Variants in GET1 observed in about 807,000 individuals in gnomAD.
The protein encoded by GET1 is guided entry of tail-anchored proteins factor 1.
In GET1, 20 loss-of-function variants were observed where a neutral mutation model predicts 22.6. The observed-to-expected ratio is 0.89, with a 90% CI of 0.62 to 1.29. The LOEUF is 1.29. Among genes scored for constraint, GET1 ranks in the 50% most tolerant of loss-of-function variants. The pLI is 0.00. For synonymous variants in GET1, 92 were observed against 83.8 expected (o/e 1.10, Z -0.53); for missense variants, 209 against 219.9 (o/e 0.95, Z 0.31).
intron 1 of GET1, among the ~76,000 whole-genome samples, chr21:39,414,734 C>CTGTATGTG (rs1446676855): frequency 9.7e-6 from 1 of 103,164 alleles, no homozygotes; most frequent in African/African-American, 4.1e-5. Context: ...CTCTCTCTCT[C>CTGTATGTG]TCTCTCTCTG....
At chr21:39,423,755 G>A (rs2074140233) in intron 1 of GET1, among the ~76,000 whole-genome samples, 1 of 152,080 alleles carries the variant, frequency 6.6e-6, no homozygotes, top group Non-Finnish European at 1.5e-5. Context: ...TACATCATTT[G>A]TCCAAGATTA....
At chr21:39,417,805 G>C (rs1050624306) in intron 1 of GET1, among the ~76,000 whole-genome samples, 2 of 151,610 alleles carry the variant, frequency 1.3e-5, no homozygotes, top group Non-Finnish European at 2.9e-5. Context: ...TCGCTCTGTC[G>C]CCCAGGCTGG....
chr21:39,428,226 C>T (rs1328564387), intron 1 of GET1: 1 of 1,602,988 alleles, frequency 6.2e-7, no homozygotes, highest in Admixed American at 1.7e-5. Context: ...TTTTCTTTTA[C>T]CACAGGCTGC....
At chr21:39,406,450 C>CT in exon 5 of GET1, 1 of 1,614,040 alleles carries the variant, frequency 6.2e-7, no homozygotes, top group Non-Finnish European at 8.5e-7. Context: ...TTCTTGATTG[C>CT]TTTCTCTTTC....
chr21:39,392,321 T>C (rs1338603077), intron 3 of GET1, among the ~76,000 whole-genome samples: 2 of 152,148 alleles, frequency 1.3e-5, no homozygotes, highest in Non-Finnish European at 2.9e-5. Flanking sequence ...CCTGGAGCTG[T>C]TGGGCTCTGC....
chr21:39,423,375 T>TG, intron 1 of GET1: 1 of 1,612,316 alleles, frequency 6.2e-7, no homozygotes, highest in Non-Finnish European at 8.5e-7. Context: ...TATGAAGCCT[T>TG]GCTGAGAGTA....
downstream of GET1, chr21:39,406,732 G>A: frequency 1.3e-6 from 1 of 743,324 alleles, no homozygotes. Flanking sequence ...GACAGAAAAG[G>A]TAAGAAAATA....
chr21:39,411,047 C>T (rs2040011583), downstream of GET1: 1 of 396,280 alleles, frequency 2.5e-6, no homozygotes, highest in Non-Finnish European at 5.0e-6. Flanking sequence ...GAGAGGTATA[C>T]ACTAATGATA....
At chr21:39,419,652 G>A (rs537092640) in intron 1 of GET1, among the ~76,000 whole-genome samples, 8 of 152,236 alleles carry the variant, frequency 5.3e-5, no homozygotes, top group Non-Finnish European at 8.8e-5. Flanking sequence ...AGGTGATTAG[G>A]TCACAAGGGC....
rs757976692 is a variant in GET1 at position 39,396,941 on chromosome 21, C to T, written c.*2C>T. On this transcript the variant is annotated 3_prime_UTR_variant, in exon 5 of 5. Coordinates refer to ENST00000649170, the MANE Select transcript of GET1 (RefSeq NM_004627.6). ...ATTGTGCTTCATCCGTTCAGCTGAA[C>T]AGGAGGATGGATACAGCCGCGAGGC... 6.2e-7 allele frequency: 1 copy of T among 1,614,072 alleles called. No homozygotes were observed. The highest frequency in any genetic ancestry group is 1.1e-5 in the South Asian group (1 of 91,068).
chr21:39,381,267 C>T lies in GET1; in HGVS notation c.102+781C>T, dbSNP rs372097790. ...GGCGGGGGTACCTTGGGAACTGTCC[C>T]CGAGAATGAGCGCCCTCCGTATGCC... On this transcript the variant is annotated intron_variant, in intron 1 of 4. Transcript: ENST00000649170. Among the ~76,000 whole-genome samples the T allele has an allele frequency of 9.2e-5, 14 of 152,152 alleles. No homozygotes were observed. In the East Asian group the frequency reaches 1.9e-3, roughly 21 times the overall value.
At chr21:39,389,926 T>G (rs2038182945) in intron 1 of GET1, among the ~76,000 whole-genome samples, 1 of 152,252 alleles carries the variant, frequency 6.6e-6, no homozygotes, top group African/African-American at 2.4e-5. Flanking sequence ...GAATTGGTTT[T>G]CATTTCACAA....
chr21:39,409,200 G>A (rs1203884515), downstream of GET1, among the ~76,000 whole-genome samples: 2 of 152,096 alleles, frequency 1.3e-5, no homozygotes, highest in Non-Finnish European at 2.9e-5. This position sits in a 1 kb window ranked among gnomAD's most constrained non-coding sequence, Gnocchi z 4.2. Context: ...CTAAGGAAAC[G>A]CCACATGAAG....
downstream of GET1, among the ~76,000 whole-genome samples, chr21:39,409,108 G>T (rs1250441830): frequency 6.6e-6 from 1 of 152,124 alleles, no homozygotes; most frequent in Non-Finnish European, 1.5e-5. This position sits in a 1 kb window ranked among gnomAD's most constrained non-coding sequence, Gnocchi z 4.2. Context: ...CAAGGTTGGG[G>T]CCTTCATGAC....
chr21:39,416,023 G>A (rs1269183450), intron 1 of GET1, among the ~76,000 whole-genome samples: 1 of 152,190 alleles, frequency 6.6e-6, no homozygotes, highest in Non-Finnish European at 1.5e-5. Context: ...TCATTGATTA[G>A]AGCCACTAAT....
intron 1 of GET1, chr21:39,380,803 G>T (rs1393636481): frequency 4.2e-5 from 44 of 1,047,448 alleles, no homozygotes; most frequent in Non-Finnish European, 5.1e-5. Context: ...GTTAATCCTG[G>T]TTCCTAGAGG....
intron 2 of GET1, 131 bp from the exon 3 acceptor site, chr21:39,391,637 TA>T: frequency 1.1e-6 from 1 of 873,720 alleles, no homozygotes; most frequent in Non-Finnish European, 1.8e-6. Flanking sequence ...TTATATTTTC[TA>T]AATATGTTGA....
At chr21:39,390,377 G>A (rs1410674404) in intron 1 of GET1, among the ~76,000 whole-genome samples, 1 of 152,206 alleles carries the variant, frequency 6.6e-6, no homozygotes, top group Middle Eastern at 3.2e-3. Context: ...GTGAGAGAAA[G>A]GGACATTTAC....
intron 1 of GET1, among the ~76,000 whole-genome samples, chr21:39,418,733 C>G (rs1024072437): frequency 6.6e-6 from 1 of 152,194 alleles, no homozygotes; most frequent in Non-Finnish European, 1.5e-5. Flanking sequence ...CTCCCAACCT[C>G]AGGTGATCTG....
Sources: gnomAD v4.1 joint callset for allele counts (sites outside exome capture counted in the v4.1 genomes callset) on GRCh38, gnomAD v4.1.1 for gene constraint, Gnocchi (gnomAD v3.1) non-coding constraint, MANE v1.5 for transcripts, NCBI Gene and HGNC (gene_info 2026-07-23, HGNC 2026-07-21) for gene names.